PTPRN2: variants seen among roughly 807,000 people sequenced by gnomAD.
PTPRN2 encodes the protein receptor-type tyrosine-protein phosphatase N2.
A neutral mutation model predicts 118.8 loss-of-function variants in PTPRN2; 74 were observed. The ratio of observed to expected loss-of-function variants is 0.62; its 90% CI spans 0.52 to 0.76. The LOEUF is 0.76. Among genes scored for constraint, PTPRN2 ranks in the 30% least tolerant of loss-of-function variants. The pLI, the probability that PTPRN2 is intolerant of heterozygous loss-of-function variation, is 0.00. For synonymous variants in PTPRN2, 641 were observed against 608.0 expected (o/e 1.05, Z -0.80); for missense variants, 1,481 against 1,394.4 (o/e 1.06, Z -0.99).
chr7:157,972,104 A>T (rs904202386), intron 11 of PTPRN2, among the ~76,000 whole-genome samples: 1 of 152,174 alleles, frequency 6.6e-6, no homozygotes. Context: ...CTCCCCAATG[A>T]TTGGCATTTG....
chr7:157,912,077 T>C (rs1181185314), intron 11 of PTPRN2, among the ~76,000 whole-genome samples: 1 of 152,218 alleles, frequency 6.6e-6, no homozygotes, highest in African/African-American at 2.4e-5. Context: ...TCCAGGCCCA[T>C]GTAGAGAATT....
rs1563257951 is a variant in PTPRN2, at chr7:157,940,590, C to CCCTGTGACACTGCAAATCTAACACCCTCT, written c.1724-41854_1724-41853insAGAGGGTGTTAGATTTGCAGTGTCACAGG. ...GTGACACTGCAAATCTAACACCCTC[C>CCCTGTGACACTGCAAATCTAACACCCTCT]CCAGTGACACTGCAAATCTATCACC... On this transcript the variant is annotated intron_variant, in intron 11 of 22. Transcript: ENST00000389418. Among the ~76,000 whole-genome samples, 20 of 146,322 alleles carry CCCTGTGACACTGCAAATCTAACACCCTCT rather than the reference C, an allele frequency of 1.4e-4. No homozygotes were observed. In the East Asian group the frequency reaches 3.2e-3, roughly 24 times the overall value.
rs1803792451 is a variant in PTPRN2 at position 157,629,256 on chromosome 7, A to G, written c.2197-7747T>C. On this transcript the variant is annotated intron_variant, in intron 14 of 22. Coordinates refer to ENST00000389418, the MANE Select transcript of PTPRN2 (RefSeq NM_002847.5). This position sits in a 1 kb window ranked among gnomAD's most constrained non-coding sequence, Gnocchi z 4.4. The stretch of plus-strand genomic sequence containing the variant: ...ACCCTGCTGCCAAAGACACCGCAGA[A>G]CCCATGGGGAGGCAGAAGAAAGGCT... 6.6e-6 allele frequency among the ~76,000 whole-genome samples: 1 copy of G among 152,098 alleles called. No homozygotes were observed. The highest frequency in any genetic ancestry group is 6.5e-5 in the Admixed American group (1 of 15,272).
chr7:157,749,988 A>C (rs1452195560), intron 12 of PTPRN2, among the ~76,000 whole-genome samples: 1 of 150,756 alleles, frequency 6.6e-6, no homozygotes, highest in African/African-American at 2.4e-5. Flanking sequence ...CGTGATTCTG[A>C]GGCCTGTGTC....
At chr7:158,008,746 G>A (rs1190758707) in intron 11 of PTPRN2, among the ~76,000 whole-genome samples, 1 of 152,220 alleles carries the variant, frequency 6.6e-6, no homozygotes, top group Non-Finnish European at 1.5e-5. Context: ...CGAATGTTTA[G>A]AATTTCAGTG....
chr7:157,976,569 G>T (rs1185995579), intron 11 of PTPRN2, among the ~76,000 whole-genome samples: 1 of 151,646 alleles, frequency 6.6e-6, no homozygotes, highest in Non-Finnish European at 1.5e-5. Context: ...TGCCTCCTGG[G>T]ATAGTCACGC....
chr7:158,515,393 G>C (rs1823475564), intron 1 of PTPRN2, among the ~76,000 whole-genome samples: 1 of 151,962 alleles, frequency 6.6e-6, no homozygotes, highest in Admixed American at 6.6e-5. Flanking sequence ...CTCCATGTTG[G>C]TCAGGCTAGT....
Position 158,307,108 on chromosome 7 carries a change from C to T in PTPRN2, c.277+9711G>A, listed in dbSNP as rs188655973. 3.9e-3 allele frequency among the ~76,000 whole-genome samples: 586 copies of T among 152,116 alleles called. 8 individuals carry two copies. The highest frequency in any genetic ancestry group is 0.013 in the African/African-American group (552 of 41,494). On this transcript the variant is annotated intron_variant, in intron 3 of 22. Transcript: ENST00000389418. ...TCTTGAACTCCTGACCTCAAGTGAT[C>T]CACCCGCCTCGGCCTCCCAAAGTGC...
rs185727161 is a variant in PTPRN2 at position 157,933,319 on chromosome 7, A to T, written c.1724-34582T>A. On this transcript the variant is annotated intron_variant, in intron 11 of 22. Transcript: ENST00000389418. ...GATTGACAGTTTTAGAGGAAGGGTG[A>T]GTCATTCTGATTGACAGTTTTAGAG... 3.3e-4 allele frequency among the ~76,000 whole-genome samples: 46 copies of T among 140,508 alleles called. No homozygotes were observed. The East Asian group carries it at 9.5e-3, about 29-fold the overall frequency. The allele number at this position is 140,508 out of a possible 152,430, so 92.2% of individuals were successfully genotyped here. A position where few individuals can be genotyped will look rare whatever the true frequency, so the allele number is the denominator to read the frequency against.
chr7:158,146,742 A>G (rs1178915642), intron 6 of PTPRN2, among the ~76,000 whole-genome samples: 1 of 151,508 alleles, frequency 6.6e-6, no homozygotes, highest in Admixed American at 6.6e-5. Flanking sequence ...AAAAGAAAGA[A>G]AAAAGAAACA....
intron 11 of PTPRN2, among the ~76,000 whole-genome samples, chr7:157,928,498 TC>T (rs1263220332): frequency 1.3e-5 from 2 of 151,874 alleles, no homozygotes; most frequent in Admixed American, 1.3e-4. Context: ...CTCAACTGGC[TC>T]CCCCAGGTCC....
Position 158,440,665 on chromosome 7 carries a change from A to G in PTPRN2, c.163+49070T>C, listed in dbSNP as rs920342939. On this transcript the variant is annotated intron_variant, in intron 2 of 22. Coordinates refer to ENST00000389418, the MANE Select transcript of PTPRN2 (RefSeq NM_002847.5). Reference sequence around the variant, plus strand: ...GGTGGCAGTAGTGATGGTGGTAGTGATAGTGACAGGGTGGTGGTGGTGGTG... The same window carrying G: ...GGTGGCAGTAGTGATGGTGGTAGTGGTAGTGACAGGGTGGTGGTGGTGGTG... Among the ~76,000 whole-genome samples the G allele has an allele frequency of 1.0e-4, 15 of 147,708 alleles. 1 individual carries two copies. Among genetic ancestry groups the G allele is most frequent in the African/African-American group, 2.0e-4 (8 of 39,116 alleles).
At chr7:158,264,850 C>CTGGCACT (rs1406899419) in intron 3 of PTPRN2, among the ~76,000 whole-genome samples, 4 of 152,204 alleles carry the variant, frequency 2.6e-5, no homozygotes, top group Admixed American at 6.5e-5. Flanking sequence ...CTGGTCCTTG[C>CTGGCACT]TGGCACTTTC....
rs202054530 is a variant in PTPRN2 at position 157,879,361 on chromosome 7, A to AC, written c.1788+19311dup. Among the ~76,000 whole-genome samples, 1,110 of 152,334 alleles carry AC rather than the reference A, an allele frequency of 7.3e-3. 13 individuals are homozygous for AC. The highest frequency in any genetic ancestry group is 0.025 in the African/African-American group (1,039 of 41,566). ...CCCCCCAACACGCACACCCAAACAC[A>AC]CACGCATGCACGTGCATGTGCACAC... On this transcript the variant is annotated intron_variant, in intron 12 of 22. Transcript: ENST00000389418.
chr7:158,165,711 T>A (rs1489584589), intron 6 of PTPRN2, among the ~76,000 whole-genome samples: 2 of 152,188 alleles, frequency 1.3e-5, no homozygotes, highest in African/African-American at 4.8e-5. Context: ...AAAAGGGAAG[T>A]CATGTTTTAT....
intron 3 of PTPRN2, among the ~76,000 whole-genome samples, chr7:158,253,373 TAAC>T (rs777985865): frequency 6.6e-6 from 1 of 152,242 alleles, no homozygotes; most frequent in Non-Finnish European, 1.5e-5. Context: ...GTGTTTCTTT[TAAC>T]AACGTGCTCC....
rs373035753 is a variant in PTPRN2, at chr7:157,924,166, A to G, written c.1724-25429T>C. Among the ~76,000 whole-genome samples, 137 of 152,214 alleles carry G rather than the reference A, an allele frequency of 9.0e-4. No individual in the cohort carries two copies. In the South Asian group the frequency reaches 0.013, roughly 14 times the overall value. ...TCACATCCATGGCCTCTTCACTTGGACAGGATGAGGGGGCGCGGCCACAGG... is the reference window on the plus strand; with the variant it reads ...TCACATCCATGGCCTCTTCACTTGGGCAGGATGAGGGGGCGCGGCCACAGG... On this transcript the variant is annotated intron_variant, in intron 11 of 22. Transcript: ENST00000389418.
chr7:157,645,583 G>C (rs895198559), intron 14 of PTPRN2, among the ~76,000 whole-genome samples: 1 of 152,232 alleles, frequency 6.6e-6, no homozygotes, highest in African/African-American at 2.4e-5. Flanking sequence ...CTTACTAGGA[G>C]ACAGTAAATT....
Position 157,808,780 on chromosome 7 carries a change from T to C in PTPRN2, c.1788+89893A>G, listed in dbSNP as rs545151640. ...CAGGTCCCTGGTGCCAAAAAGAGTA[T>C]GGACCGCTGTCCTGGACAAACCCTG... is the stretch of plus-strand genomic sequence containing the variant. On this transcript the variant is annotated intron_variant, in intron 12 of 22. Transcript: ENST00000389418. This position sits in a 1 kb window ranked among gnomAD's most constrained non-coding sequence, Gnocchi z 5.0. 6.6e-6 allele frequency among the ~76,000 whole-genome samples: 1 copy of C among 152,340 alleles called. No individual in the cohort carries two copies. Among genetic ancestry groups the C allele is most frequent in the Non-Finnish European group, 1.5e-5 (1 of 68,022 alleles).
Sources: gnomAD v4.1 joint callset for allele counts (sites outside exome capture counted in the v4.1 genomes callset) on GRCh38, gnomAD v4.1.1 for gene constraint, Gnocchi (gnomAD v3.1) non-coding constraint, MANE v1.5 for transcripts, NCBI Gene and HGNC (gene_info 2026-07-23, HGNC 2026-07-21) for gene names.